The following RAD51B variants were observed in gnomAD, a reference collection of about 807,000 sequenced individuals.
The protein encoded by RAD51B is DNA repair protein RAD51 homolog 2.
In RAD51B, 38 loss-of-function variants were observed where a neutral mutation model predicts 42.2. That is an observed-to-expected ratio of 0.90 (90% confidence interval 0.70 to 1.18). The LOEUF is 1.18. RAD51B is among the 50% of genes most tolerant of loss of function. The pLI is 0.00. For synonymous variants in RAD51B, 154 were observed against 145.2 expected (o/e 1.06, Z -0.43); for missense variants, 373 against 400.7 (o/e 0.93, Z 0.59).
intron 7 of RAD51B, among the ~76,000 whole-genome samples, chr14:68,285,569 A>C (rs974524166): frequency 2.0e-5 from 3 of 152,134 alleles, no homozygotes; most frequent in African/African-American, 7.2e-5. Context: ...TTTACTTGAG[A>C]GCTAGAAGTA....
intron 10 of RAD51B, among the ~76,000 whole-genome samples, chr14:68,591,686 T>TC (rs1392226019): frequency 6.6e-6 from 1 of 151,990 alleles, no homozygotes; most frequent in African/African-American, 2.4e-5. Context: ...ATGAAAGGGT[T>TC]CCCCACAACC....
intron 7 of RAD51B, among the ~76,000 whole-genome samples, chr14:68,206,046 G>C (rs1028815363): frequency 6.6e-6 from 1 of 152,154 alleles, no homozygotes; most frequent in Non-Finnish European, 1.5e-5. Context: ...TAGTTGTCAT[G>C]TTCCTTTAGT....
chr14:67,839,771 C>T (rs61987496), intron 4 of RAD51B, among the ~76,000 whole-genome samples: 101 of 151,766 alleles, frequency 6.7e-4, no homozygotes, highest in Non-Finnish European at 1.2e-3. Context: ...GATATTTAAT[C>T]TATTAATTTT....
intron 7 of RAD51B, among the ~76,000 whole-genome samples, chr14:68,054,982 A>T (rs1220557366): frequency 6.6e-6 from 1 of 152,104 alleles, no homozygotes; most frequent in South Asian, 2.1e-4. Flanking sequence ...TGTGGGGGGA[A>T]AATCCCCACA....
chr14:68,458,503 T>C (rs1170313518), intron 9 of RAD51B, among the ~76,000 whole-genome samples: 1 of 152,088 alleles, frequency 6.6e-6, no homozygotes, highest in Non-Finnish European at 1.5e-5. Context: ...TAGGCAATAC[T>C]TTCTTATACT....
chr14:68,633,699 C>T (rs1892284343), intron 10 of RAD51B, among the ~76,000 whole-genome samples: 1 of 152,262 alleles, frequency 6.6e-6, no homozygotes, highest in Non-Finnish European at 1.5e-5. Context: ...CCAGGGCGAT[C>T]CTGAAGCAGG....
At chr14:68,608,076 C>T (rs779927619) in intron 10 of RAD51B, among the ~76,000 whole-genome samples, 15 of 152,148 alleles carry the variant, frequency 9.9e-5, no homozygotes, top group African/African-American at 1.9e-4. Flanking sequence ...CTGCTGAGGG[C>T]GGTAGGCCTG....
chr14:68,276,589 C>T (rs181561850), intron 7 of RAD51B, among the ~76,000 whole-genome samples: 77 of 152,184 alleles, frequency 5.1e-4, no homozygotes, highest in Middle Eastern at 3.4e-3. Flanking sequence ...GGGAGTCTGT[C>T]AGTCACATGT....
chr14:68,402,915 T>A (rs2084153175), intron 8 of RAD51B, among the ~76,000 whole-genome samples: 1 of 152,226 alleles, frequency 6.6e-6, no homozygotes, highest in Admixed American at 6.5e-5. Flanking sequence ...TCTGAGGTTC[T>A]TTGTTACACT....
intron 8 of RAD51B, among the ~76,000 whole-genome samples, chr14:68,369,978 G>A (rs1393218622): frequency 6.6e-6 from 1 of 152,170 alleles, no homozygotes; most frequent in Non-Finnish European, 1.5e-5. Flanking sequence ...GCTGTTTCCT[G>A]CAAGGGACAT....
At chr14:68,350,524 A>G (rs1383402685) in intron 8 of RAD51B, among the ~76,000 whole-genome samples, 1 of 152,238 alleles carries the variant, frequency 6.6e-6, no homozygotes, top group Non-Finnish European at 1.5e-5. Context: ...ATCTTTCTTC[A>G]GAGTGCCTCC....
chr14:68,258,769 T>C (rs1397160762), intron 7 of RAD51B, among the ~76,000 whole-genome samples: 1 of 152,128 alleles, frequency 6.6e-6, no homozygotes, highest in African/African-American at 2.4e-5. Flanking sequence ...TAGAGAGCAT[T>C]ATTCTTCCTC....
chr14:67,859,070 T>C (rs1252273565), intron 4 of RAD51B, among the ~76,000 whole-genome samples: 2 of 152,250 alleles, frequency 1.3e-5, no homozygotes, highest in Non-Finnish European at 2.9e-5. Flanking sequence ...TTTACCTTAA[T>C]TAACATTTAA....
intron 7 of RAD51B, among the ~76,000 whole-genome samples, chr14:68,057,514 A>G (rs1326959969): frequency 1.3e-5 from 2 of 152,176 alleles, no homozygotes; most frequent in Non-Finnish European, 2.9e-5. Context: ...AAACAGGATC[A>G]CATTATAAAC....
At chr14:68,634,640 C>G (rs1013427029) in intron 10 of RAD51B, among the ~76,000 whole-genome samples, 5 of 152,108 alleles carry the variant, frequency 3.3e-5, no homozygotes, top group African/African-American at 4.8e-5. Flanking sequence ...ATGCCTCTCC[C>G]CCGTATACCA....
intron 10 of RAD51B, among the ~76,000 whole-genome samples, chr14:68,498,110 C>G (rs1471959197): frequency 6.6e-6 from 1 of 152,194 alleles, no homozygotes; most frequent in Non-Finnish European, 1.5e-5. Flanking sequence ...ATGGCTGAAT[C>G]ATTTTGTATT....
intron 7 of RAD51B, among the ~76,000 whole-genome samples, chr14:67,991,920 A>G (rs1424538971): frequency 6.6e-6 from 1 of 152,202 alleles, no homozygotes; most frequent in Non-Finnish European, 1.5e-5. Context: ...AATGCTATGT[A>G]TTACAGAATA....
intron 10 of RAD51B, among the ~76,000 whole-genome samples, chr14:68,471,861 T>C (rs1248486286): frequency 6.6e-6 from 1 of 152,142 alleles, no homozygotes; most frequent in African/African-American, 2.4e-5. Context: ...CTGGAAATAC[T>C]TAGGCCCCAA....
At chr14:68,227,251 C>T (rs2080057513) in intron 7 of RAD51B, among the ~76,000 whole-genome samples, 2 of 152,216 alleles carry the variant, frequency 1.3e-5, no homozygotes, top group African/African-American at 4.8e-5. Context: ...TTCCCTTTCT[C>T]TCCCTCCAGG....
Sources: gnomAD v4.1 joint callset for allele counts (sites outside exome capture counted in the v4.1 genomes callset) on GRCh38, gnomAD v4.1.1 for gene constraint, MANE v1.5 for transcripts, NCBI Gene and HGNC (gene_info 2026-07-23, HGNC 2026-07-21) for gene names.